PDE6A: variants seen among roughly 807,000 people sequenced by gnomAD.
PDE6A encodes the protein rod cGMP-specific 3',5'-cyclic phosphodiesterase subunit alpha.
Under a neutral mutation model 106.3 loss-of-function variants are expected in PDE6A, and 84 were observed. The observed-to-expected ratio is 0.79, with a 90% CI of 0.66 to 0.95. PDE6A has a LOEUF of 0.95. Among genes scored for constraint, PDE6A ranks in the 40% least tolerant of loss-of-function variants. The pLI is 0.00. For synonymous variants in PDE6A, 394 were observed against 386.6 expected, an observed-to-expected ratio of 1.02 and a Z score of -0.23; for missense variants, 1,052 against 1,084.9, an observed-to-expected ratio of 0.97 and a Z score of 0.43.
chr5:149,913,909 T>C (rs141417023), intron 6 of PDE6A, among the ~76,000 whole-genome samples: 2 of 152,356 alleles, frequency 1.3e-5, no homozygotes, highest in African/African-American at 2.4e-5. Flanking sequence ...GCTACCTAGA[T>C]GCAGGACTGA....
At chr5:149,875,615 G>A (rs1760712384) in intron 17 of PDE6A, among the ~76,000 whole-genome samples, 1 of 151,384 alleles carries the variant, frequency 6.6e-6, no homozygotes, top group Non-Finnish European at 1.5e-5. Context: ...TCAGCCTCCT[G>A]AGTAGTTGGG....
intron 1 of PDE6A, among the ~76,000 whole-genome samples, chr5:149,937,310 G>T (rs928948109): frequency 6.6e-6 from 1 of 152,220 alleles, no homozygotes; most frequent in African/African-American, 2.4e-5. Flanking sequence ...AGTTAAAGAG[G>T]CAGGCAGGGG....
At chr5:149,895,409 C>T (rs1384572377) in intron 12 of PDE6A, 119 bp from the exon 13 acceptor site, 5 of 741,224 alleles carry the variant, frequency 6.7e-6, no homozygotes, top group African/African-American at 1.7e-5. Flanking sequence ...GTTTGAGGTA[C>T]TCTAACCCCA....
chr5:149,907,495 T>C, intron 6 of PDE6A, 117 bp from the exon 7 acceptor site: 1 of 784,884 alleles, frequency 1.3e-6, no homozygotes, highest in South Asian at 1.4e-5. Context: ...CCTGCTTACA[T>C]TCACTACACC....
intron 7 of PDE6A, among the ~76,000 whole-genome samples, chr5:149,905,471 G>A (rs1333022070): frequency 2.0e-5 from 3 of 152,120 alleles, no homozygotes; most frequent in African/African-American, 4.8e-5. Flanking sequence ...AACTGACCTT[G>A]TCATCTTACA....
At chr5:149,907,216 G>T in intron 7 of PDE6A, 96 bp downstream of exon 7, 1 of 948,092 alleles carries the variant, frequency 1.1e-6, no homozygotes, top group Non-Finnish European at 1.7e-6. Flanking sequence ...ATCCACACTT[G>T]CCATCATCTT....
At chr5:149,879,733 T>C (rs890940751) in intron 17 of PDE6A, among the ~76,000 whole-genome samples, 1 of 152,124 alleles carries the variant, frequency 6.6e-6, no homozygotes, top group Non-Finnish European at 1.5e-5. Flanking sequence ...ATTTCATCCA[T>C]GTCCCTACAA....
chr5:149,906,992 C>T (rs1014496030), intron 7 of PDE6A, among the ~76,000 whole-genome samples: 1 of 152,094 alleles, frequency 6.6e-6, no homozygotes, highest in Non-Finnish European at 1.5e-5. Context: ...GGCTGGTCTC[C>T]AGCTCCTGAC....
intron 17 of PDE6A, among the ~76,000 whole-genome samples, chr5:149,881,723 T>C (rs1760930771): frequency 6.6e-6 from 1 of 152,162 alleles, no homozygotes; most frequent in South Asian, 2.1e-4. Flanking sequence ...AACCTGCCCA[T>C]GCATTCTTTA....
chr5:149,903,410 G>GA, intron 8 of PDE6A, among the ~76,000 whole-genome samples: 1 of 151,122 alleles, frequency 6.6e-6, no homozygotes, highest in South Asian at 2.1e-4. Context: ...CTTGTGGGGG[G>GA]AAAAATAGAT....
At chr5:149,882,666 G>A (rs1760970556) in intron 17 of PDE6A, among the ~76,000 whole-genome samples, 1 of 152,096 alleles carries the variant, frequency 6.6e-6, no homozygotes, top group Admixed American at 6.5e-5. Flanking sequence ...TAACCAATTT[G>A]TGACTAGCAC....
At chr5:149,936,942 C>T (rs976072570) in intron 1 of PDE6A, among the ~76,000 whole-genome samples, 1 of 152,200 alleles carries the variant, frequency 6.6e-6, no homozygotes, top group African/African-American at 2.4e-5. Context: ...CAGCAATGAA[C>T]ATTACTGTTG....
chr5:149,896,900 A>G (rs1158510336), intron 10 of PDE6A, 124 bp from the exon 11 acceptor site: 3 of 1,061,918 alleles, frequency 2.8e-6, no homozygotes, highest in Non-Finnish European at 4.3e-6. Flanking sequence ...AGAGGATTCC[A>G]TTTAACATCC....
chr5:149,932,408 T>C (rs977083355), intron 3 of PDE6A: 1 of 1,364,244 alleles, frequency 7.3e-7, no homozygotes, highest in Non-Finnish European at 1.0e-6. Context: ...CTGTTTTTAG[T>C]GCGAGGAGTT....
intron 1 of PDE6A, among the ~76,000 whole-genome samples, chr5:149,936,190 G>GAAGGAAGGAAGT (rs1754179060): frequency 6.6e-6 from 1 of 151,686 alleles, no homozygotes; most frequent in African/African-American, 2.4e-5. Flanking sequence ...AGGAAGGAAG[G>GAAGGAAGGAAGT]AAGGAAGGAA....
intron 5 of PDE6A, among the ~76,000 whole-genome samples, chr5:149,919,263 T>C (rs1424064260): frequency 6.6e-6 from 1 of 152,078 alleles, no homozygotes; most frequent in Non-Finnish European, 1.5e-5. Context: ...TCCTAGCACT[T>C]TGGGAGGCGG....
intron 17 of PDE6A, among the ~76,000 whole-genome samples, chr5:149,871,792 G>T (rs909922320): frequency 2.0e-5 from 3 of 152,212 alleles, no homozygotes; most frequent in Non-Finnish European, 4.4e-5. Flanking sequence ...TGGCTTCAGT[G>T]TGGAAGGGAC....
intron 17 of PDE6A, 78 bp from the exon 18 acceptor site, chr5:149,868,236 T>A: frequency 7.3e-7 from 1 of 1,370,168 alleles, no homozygotes; most frequent in Non-Finnish European, 1.0e-6. Flanking sequence ...CTCTCTCACC[T>A]TTCTCCACCC....
intron 2 of PDE6A, among the ~76,000 whole-genome samples, 176 bp from the exon 3 acceptor site, chr5:149,934,195 G>A (rs1024303777): frequency 6.6e-6 from 1 of 152,216 alleles, no homozygotes. Context: ...CTCACCGAAT[G>A]TAGAATGTTG....
Sources: allele counts gnomAD v4.1 joint callset (sites outside exome capture counted in the v4.1 genomes callset), GRCh38; gene constraint gnomAD v4.1.1; transcripts MANE v1.5; gene names NCBI Gene and HGNC (gene_info 2026-07-23, HGNC 2026-07-21).